The following ITGA9 variants were observed in gnomAD, a reference collection of about 807,000 sequenced individuals.
The protein encoded by ITGA9 is integrin alpha-9.
ITGA9 carries 56 observed loss-of-function variants against 127.8 expected under a neutral mutation model. That is an observed-to-expected ratio of 0.44 (90% CI 0.35 to 0.55). The LOEUF is 0.55. Ranked by LOEUF, ITGA9 falls within the 20% of genes least tolerant of loss-of-function variation. The probability of loss-of-function intolerance (pLI) is 0.00; values close to 1 mark genes in which losing one functional copy is unlikely to be tolerated. For missense variants in ITGA9, 1,196 were observed against 1,347.1 expected, an observed-to-expected ratio of 0.89 and a Z score of 1.76; for synonymous variants, 508 against 514.5, an observed-to-expected ratio of 0.99 and a Z score of 0.17.
At chr3:37,591,183 C>T (rs1300243410) in intron 15 of ITGA9, among the ~76,000 whole-genome samples, 1 of 152,166 alleles carries the variant, frequency 6.6e-6, no homozygotes. Flanking sequence ...TGGGAAGGAT[C>T]CCTTTCTCCT....
chr3:37,721,511 T>C (rs1000593319), intron 18 of ITGA9, among the ~76,000 whole-genome samples: 1 of 152,228 alleles, frequency 6.6e-6, no homozygotes, highest in African/African-American at 2.4e-5. Flanking sequence ...TAGCTTTTGC[T>C]TGTTTCACTT....
chr3:37,462,116 G>A (rs1449924035), intron 1 of ITGA9, among the ~76,000 whole-genome samples: 2 of 152,222 alleles, frequency 1.3e-5, no homozygotes, highest in Non-Finnish European at 2.9e-5. Context: ...GCTTTCAGAT[G>A]TGGAAGGAAA....
intron 15 of ITGA9, among the ~76,000 whole-genome samples, chr3:37,618,543 A>G (rs937194797): frequency 2.6e-5 from 4 of 152,202 alleles, no homozygotes; most frequent in Non-Finnish European, 4.4e-5. Flanking sequence ...TTGTTTGGCT[A>G]TCCCCTACCC....
At chr3:37,818,703 A>G in intron 27 of ITGA9, 188 bp from the exon 28 acceptor site, 2 of 637,418 alleles carry the variant, frequency 3.1e-6, no homozygotes, top group East Asian at 2.7e-5. Flanking sequence ...CAGGAAGTCC[A>G]TGCATTTTGA....
chr3:37,669,629 A>G (rs904784435), intron 17 of ITGA9, among the ~76,000 whole-genome samples: 2 of 152,176 alleles, frequency 1.3e-5, no homozygotes, highest in Admixed American at 6.5e-5. Flanking sequence ...TTTATCAGAC[A>G]TTAGTGGGAG....
At chr3:37,579,451 G>T (rs549368110) in intron 15 of ITGA9, among the ~76,000 whole-genome samples, 1 of 152,224 alleles carries the variant, frequency 6.6e-6, no homozygotes, top group South Asian at 2.1e-4. Context: ...GATTACAAAA[G>T]AAAATTATCT....
intron 23 of ITGA9, among the ~76,000 whole-genome samples, chr3:37,764,556 C>T (rs1696758828): frequency 6.6e-6 from 1 of 151,474 alleles, no homozygotes. Context: ...ACCCAACTTT[C>T]CAGGCCATTT....
At chr3:37,540,685 G>A (rs963762686) in intron 14 of ITGA9, among the ~76,000 whole-genome samples, 2 of 152,186 alleles carry the variant, frequency 1.3e-5, no homozygotes. Context: ...AGGTTTTTGA[G>A]CTTAGTGGTC....
intron 14 of ITGA9, among the ~76,000 whole-genome samples, chr3:37,538,943 A>G (rs1441087379): frequency 6.6e-6 from 1 of 152,244 alleles, no homozygotes; most frequent in East Asian, 1.9e-4. Context: ...ATAATGCGGT[A>G]TGTCTGTGAT....
At chr3:37,666,285 T>A (rs1295979688) in intron 17 of ITGA9, among the ~76,000 whole-genome samples, 1 of 152,116 alleles carries the variant, frequency 6.6e-6, no homozygotes, top group Non-Finnish European at 1.5e-5. Context: ...GTGCAGGAAA[T>A]GAAGAAGTAA....
intron 15 of ITGA9, among the ~76,000 whole-genome samples, chr3:37,584,861 T>A (rs1699742694): frequency 6.6e-6 from 1 of 152,128 alleles, no homozygotes. Context: ...TAGCCCTTAG[T>A]GGCTATGTTG....
chr3:37,688,585 C>G (rs1018986738), intron 18 of ITGA9, among the ~76,000 whole-genome samples: 3 of 152,204 alleles, frequency 2.0e-5, no homozygotes, highest in Non-Finnish European at 4.4e-5. Flanking sequence ...CGTCCTGAGC[C>G]TGGTCCTGCC....
At chr3:37,603,647 A>T (rs1445456221) in intron 15 of ITGA9, among the ~76,000 whole-genome samples, 3 of 152,264 alleles carry the variant, frequency 2.0e-5, no homozygotes, top group African/African-American at 7.2e-5. Context: ...AAGTAATCAG[A>T]CAAAGGGCCA....
chr3:37,755,742 T>A (rs1696645233), intron 23 of ITGA9, among the ~76,000 whole-genome samples: 1 of 152,052 alleles, frequency 6.6e-6, no homozygotes, highest in South Asian at 2.1e-4. Flanking sequence ...AATGAAAATA[T>A]CAGATGATCA....
intron 16 of ITGA9, among the ~76,000 whole-genome samples, chr3:37,633,255 C>T (rs1024518017): frequency 6.6e-6 from 1 of 152,074 alleles, no homozygotes; most frequent in African/African-American, 2.4e-5. Context: ...GCATTCAAGA[C>T]CTCTCAGAAA....
intron 15 of ITGA9, among the ~76,000 whole-genome samples, chr3:37,559,059 G>A (rs1344921247): frequency 6.6e-6 from 1 of 152,132 alleles, no homozygotes; most frequent in African/African-American, 2.4e-5. Flanking sequence ...GGAGCTTATG[G>A]CATTCAACAC....
chr3:37,617,792 G>A (rs958064136), intron 15 of ITGA9, among the ~76,000 whole-genome samples: 12 of 152,246 alleles, frequency 7.9e-5, no homozygotes, highest in East Asian at 1.9e-4. Context: ...CGTAGTTCTC[G>A]TGCCATGGTT....
chr3:37,577,876 C>T (rs957288845), intron 15 of ITGA9, among the ~76,000 whole-genome samples: 2 of 152,168 alleles, frequency 1.3e-5, no homozygotes, highest in African/African-American at 2.4e-5. Flanking sequence ...CTTTATGATT[C>T]GTGTGCTGGT....
chr3:37,492,136 A>G (rs1367070896), intron 4 of ITGA9, among the ~76,000 whole-genome samples: 4 of 152,006 alleles, frequency 2.6e-5, no homozygotes, highest in East Asian at 1.9e-4. Flanking sequence ...GAAGGGATTA[A>G]TGACAGTCAC....
Sources: gnomAD v4.1 joint callset for allele counts (sites outside exome capture counted in the v4.1 genomes callset) on GRCh38, gnomAD v4.1.1 for gene constraint, MANE v1.5 for transcripts, NCBI Gene and HGNC (gene_info 2026-07-23, HGNC 2026-07-21) for gene names.